The following DENND2B variants were observed in gnomAD, a reference collection of about 807,000 sequenced individuals.
DENND2B encodes DENN domain containing 2B, also known as DENN domain-containing protein 2B.
DENND2B carries 32 observed loss-of-function variants against 116.0 expected under a neutral mutation model. That is an observed-to-expected ratio of 0.28 (90% CI 0.21 to 0.37). The LOEUF is 0.37. Ranked by LOEUF, DENND2B falls within the 10% of genes least tolerant of loss-of-function variation. The pLI is 1.00. For synonymous variants in DENND2B, 588 were observed against 583.9 expected (o/e 1.01, Z -0.10); for missense variants, 1,276 against 1,477.7 (o/e 0.86, Z 2.24).
chr11:8,834,455 G>A (rs894090310), intron 4 of DENND2B, among the ~76,000 whole-genome samples: 2 of 152,178 alleles, frequency 1.3e-5, no homozygotes, highest in East Asian at 1.9e-4. Flanking sequence ...TAAAGAATGC[G>A]ATCCTGTCAT....
chr11:8,802,009 A>G (rs2060389495), intron 1 of DENND2B, among the ~76,000 whole-genome samples: 1 of 150,534 alleles, frequency 6.6e-6, no homozygotes, highest in Admixed American at 6.6e-5. Context: ...AAAAAAAAAA[A>G]AAAAAAAAGG....
intron 3 of DENND2B, 93 bp downstream of exon 3, chr11:8,729,857 G>GT: frequency 1.3e-6 from 2 of 1,500,912 alleles, no homozygotes; most frequent in Non-Finnish European, 1.8e-6. Flanking sequence ...AAGCACTAAT[G>GT]ACTGCGACCC....
chr11:8,812,472 T>A (rs998550910), upstream of DENND2B, among the ~76,000 whole-genome samples: 2 of 152,176 alleles, frequency 1.3e-5, no homozygotes, highest in Non-Finnish European at 2.9e-5. Context: ...GGCATTATTA[T>A]ACTAATTTAA....
chr11:8,837,433 C>T (rs1480747895), intron 4 of DENND2B, among the ~76,000 whole-genome samples: 3 of 152,088 alleles, frequency 2.0e-5, no homozygotes, highest in Non-Finnish European at 1.5e-5. Flanking sequence ...CCACAACCTC[C>T]ACCTCCCAGG....
chr11:8,855,696 T>C (rs2063170117), intron 3 of DENND2B, among the ~76,000 whole-genome samples: 1 of 152,122 alleles, frequency 6.6e-6, no homozygotes, highest in African/African-American at 2.4e-5. Flanking sequence ...GAAGGGTTTC[T>C]AACTTTAGGG....
At position 8,712,830 on chromosome 11, in the gene DENND2B, T is replaced by C; in HGVS notation, c.1988-95A>G. ...AGGGCTCCATTGCTGTGGAGCACTTTTAAGTACGTGAGCCTAGTCTGATAC... is the reference window on the plus strand; with the variant it reads ...AGGGCTCCATTGCTGTGGAGCACTTCTAAGTACGTGAGCCTAGTCTGATAC... On this transcript the variant is annotated intron_variant, in intron 8 of 19. Coordinates refer to ENST00000313726, the MANE Select transcript of DENND2B (RefSeq NM_213618.2). This position sits in a 1 kb window ranked among gnomAD's most constrained non-coding sequence, Gnocchi z 4.4. The C allele has an allele frequency of 7.6e-7, 1 of 1,322,774 alleles. No individual in the cohort carries two copies. The highest frequency in any genetic ancestry group is 1.0e-6 in the Non-Finnish European group (1 of 979,374). 81.9% of individuals were successfully genotyped at this position (1,322,774 alleles called of 1,614,324 possible).
chr11:8,851,676 G>T (rs975465629), intron 3 of DENND2B, among the ~76,000 whole-genome samples: 2 of 152,054 alleles, frequency 1.3e-5, no homozygotes, highest in African/African-American at 4.8e-5. Flanking sequence ...ACTAAAATAT[G>T]GGTATAAGGA....
At chr11:8,822,688 G>A (rs2061811980) in intron 4 of DENND2B, among the ~76,000 whole-genome samples, 5 of 152,114 alleles carry the variant, frequency 3.3e-5, no homozygotes, top group Admixed American at 3.3e-4. Flanking sequence ...TCTGCAGGTG[G>A]GCTAGTTTCG....
intron 4 of DENND2B, among the ~76,000 whole-genome samples, chr11:8,836,413 C>CTTTTTTTT (rs67181023): frequency 1.3e-5 from 1 of 77,554 alleles, no homozygotes; most frequent in Non-Finnish European, 2.5e-5. Flanking sequence ...TTCTGTACTT[C>CTTTTTTTT]TTTTTTTTTT....
chr11:8,776,474 C>T lies in DENND2B; in HGVS notation c.-25-25749G>A, dbSNP rs150320120. ...CAACACAGTCCTACAGGCTCCTGAC[C>T]GGTGGGAGGGGCTTCAACATGAACT... On this transcript the variant is annotated intron_variant, in intron 1 of 19. Coordinates refer to ENST00000313726, the MANE Select transcript of DENND2B (RefSeq NM_213618.2). The T allele has an allele frequency of 5.9e-4, 205 of 346,744 alleles. 1 individual carries two copies. The East Asian group carries it at 0.015, about 25-fold the overall frequency. 21.5% of individuals were successfully genotyped at this position (346,744 alleles called of 1,614,324 possible).
intron 1 of DENND2B, chr11:8,794,678 G>T (rs1304670284): frequency 6.6e-6 from 1 of 152,286 alleles, no homozygotes; most frequent in Non-Finnish European, 1.5e-5. Context: ...ACTAATGCAA[G>T]TGTCTCACCT....
chr11:8,798,509 G>A (rs1046258341), intron 1 of DENND2B, among the ~76,000 whole-genome samples: 9 of 152,292 alleles, frequency 5.9e-5, no homozygotes, highest in Non-Finnish European at 1.2e-4. Context: ...CCAGGAGGAT[G>A]GCACAGGTGT....
intron 7 of DENND2B, 98 bp from the exon 8 acceptor site, chr11:8,714,140 T>G: frequency 6.3e-5 from 79 of 1,245,622 alleles, no homozygotes; most frequent in Non-Finnish European, 7.6e-5. Context: ...GATGGATCTC[T>G]ACCTTCTCTG....
At chr11:8,695,612 ACATGAAGGGAAC>A (rs1379639735) in intron 18 of DENND2B, 63 bp from the exon 19 acceptor site, 2 of 1,426,516 alleles carry the variant, frequency 1.4e-6, no homozygotes, top group African/African-American at 1.4e-5. Flanking sequence ...GGAGAGGCCT[ACATGAAGGGAAC>A]CATGGAGCAC....
chr11:8,882,482 C>A (rs571809180), intron 1 of DENND2B, among the ~76,000 whole-genome samples: 5 of 152,274 alleles, frequency 3.3e-5, no homozygotes, highest in African/African-American at 9.6e-5. Context: ...GGTTATTTAT[C>A]TATCAGTATA....
At chr11:8,720,257 TTCCCTCCTTCACCTCAC>T (rs1426282122) in intron 4 of DENND2B, among the ~76,000 whole-genome samples, 1 of 152,104 alleles carries the variant, frequency 6.6e-6, no homozygotes, top group Non-Finnish European at 1.5e-5. Context: ...TTTTCCATCC[TTCCCTCCTTCACCTCAC>T]TCCCTCCTTC....
chr11:8,795,969 CTG>C (rs1290732463), intron 1 of DENND2B, among the ~76,000 whole-genome samples: 1 of 152,214 alleles, frequency 6.6e-6, no homozygotes. Context: ...AGAAGCAAGT[CTG>C]TTACTGAAAC....
rs1231252803 is a variant in DENND2B, at chr11:8,701,363, G to C, written c.2720+1209C>G. Among the ~76,000 whole-genome samples, 40 of 86,570 alleles carry C rather than the reference G, an allele frequency of 4.6e-4. 3 individuals carry two copies. Among genetic ancestry groups the C allele is most frequent in the African/African-American group, 9.7e-4 (21 of 21,566 alleles). The allele number at this position is 86,570 out of a possible 152,430, so 56.8% of individuals were successfully genotyped here. On this transcript the variant is annotated intron_variant, in intron 14 of 19. Coordinates refer to ENST00000313726, the MANE Select transcript of DENND2B (RefSeq NM_213618.2). The stretch of plus-strand genomic sequence containing the variant: ...AGCTTCCGGGGGGGGGGGGGGGAGG[G>C]GCTACATGAATGACATGCCTGGTCA...
At chr11:8,781,013 G>A (rs1033929043) in intron 1 of DENND2B, among the ~76,000 whole-genome samples, 1 of 152,122 alleles carries the variant, frequency 6.6e-6, no homozygotes, top group African/African-American at 2.4e-5. Context: ...ACAGACAGGA[G>A]ACCAGGGAAG....
Sources: allele counts gnomAD v4.1 joint callset (sites outside exome capture counted in the v4.1 genomes callset), GRCh38; gene constraint gnomAD v4.1.1; non-coding constraint Gnocchi (gnomAD v3.1); transcripts MANE v1.5; gene names NCBI Gene and HGNC (gene_info 2026-07-23, HGNC 2026-07-21).